Variants in DNAJC3 observed in about 807,000 individuals in gnomAD.
The protein encoded by DNAJC3 is dnaJ homolog subfamily C member 3.
DNAJC3 carries 38 observed loss-of-function variants against 68.6 expected under a neutral mutation model. The ratio of observed to expected loss-of-function variants is 0.55; its 90% CI spans 0.43 to 0.73. DNAJC3 has a LOEUF of 0.73. DNAJC3 is among the 30% of genes least tolerant of loss of function. The pLI, the probability that DNAJC3 is intolerant of heterozygous loss-of-function variation, is 0.00. For missense variants in DNAJC3, 526 were observed against 591.9 expected, an observed-to-expected ratio of 0.89 and a Z score of 1.16; for synonymous variants, 203 against 204.0, an observed-to-expected ratio of 1.00 and a Z score of 0.04.
chr13:95,703,357 C>G (rs550271116), intron 1 of DNAJC3, among the ~76,000 whole-genome samples: 1 of 152,314 alleles, frequency 6.6e-6, no homozygotes, highest in South Asian at 2.1e-4. Context: ...TACTTCAGTA[C>G]TATGCTTGGG....
At chr13:95,752,936 C>A (rs1882525589) in intron 4 of DNAJC3, among the ~76,000 whole-genome samples, 1 of 152,292 alleles carries the variant, frequency 6.6e-6, no homozygotes, top group East Asian at 1.9e-4. Context: ...TAGGGGAGTT[C>A]TAGGTATGCC....
intron 2 of DNAJC3, among the ~76,000 whole-genome samples, chr13:95,710,634 A>T (rs768947152): frequency 6.6e-6 from 1 of 151,908 alleles, no homozygotes; most frequent in African/African-American, 2.4e-5. Flanking sequence ...AATGGTTGAG[A>T]GTGTGTAGTT....
At chr13:95,773,780 A>G (rs1594022089) in intron 9 of DNAJC3, among the ~76,000 whole-genome samples, 1 of 119,638 alleles carries the variant, frequency 8.4e-6, no homozygotes, top group African/African-American at 3.3e-5. Context: ...CTCTGTCGCC[A>G]GGCTGGAGTA....
chr13:95,690,558 G>A (rs1880203369), intron 1 of DNAJC3, among the ~76,000 whole-genome samples: 2 of 150,078 alleles, frequency 1.3e-5, no homozygotes, highest in Non-Finnish European at 1.5e-5. Context: ...CCCAGTAGGG[G>A]CGGCCGGGCA....
Position 95,677,251 on chromosome 13 carries a change from C to T in DNAJC3, c.-5C>T, listed in dbSNP as rs1334644131. On this transcript the variant is annotated 5_prime_UTR_variant, in exon 1 of 12. Transcript: ENST00000602402. ...TTCCTCCTCTTCACTCGCGAGCCCT[C>T]GGACATGGTGGCCCCCGGCTCCGTG... The T allele has an allele frequency of 1.9e-6, 3 of 1,602,324 alleles. No individual in the cohort carries two copies. Among genetic ancestry groups the T allele is most frequent in the Non-Finnish European group, 2.6e-6 (3 of 1,175,500 alleles).
At chr13:95,720,860 CA>C (rs1881299360) in intron 2 of DNAJC3, among the ~76,000 whole-genome samples, 1 of 151,304 alleles carries the variant, frequency 6.6e-6, no homozygotes. Flanking sequence ...TTAAAAAATA[CA>C]TTTTTTTTTT....
intron 4 of DNAJC3, among the ~76,000 whole-genome samples, chr13:95,729,781 C>A (rs1045327492): frequency 5.3e-5 from 8 of 152,024 alleles, no homozygotes; most frequent in Non-Finnish European, 1.2e-4. Context: ...TTTTCATATA[C>A]CTGTTGGCTA....
chr13:95,681,809 C>T (rs1374468332), intron 1 of DNAJC3, among the ~76,000 whole-genome samples: 1 of 152,194 alleles, frequency 6.6e-6, no homozygotes, highest in Non-Finnish European at 1.5e-5. Context: ...CTCCTTTCCT[C>T]TCTCCCCTAC....
At chr13:95,677,417 T>G in intron 1 of DNAJC3, 80 bp downstream of exon 1, 3 of 1,415,354 alleles carry the variant, frequency 2.1e-6, no homozygotes, top group East Asian at 2.8e-5. Context: ...CCCGGGCGCC[T>G]GTCCCGGAGC....
At chr13:95,772,152 AAAAC>A (rs1271772628) in intron 9 of DNAJC3, among the ~76,000 whole-genome samples, 2 of 152,202 alleles carry the variant, frequency 1.3e-5, no homozygotes, top group African/African-American at 4.8e-5. Context: ...TTTATTTTGA[AAAAC>A]AGGTGGTGGG....
chr13:95,766,177 T>C (rs916702469), intron 9 of DNAJC3, among the ~76,000 whole-genome samples: 1 of 152,192 alleles, frequency 6.6e-6, no homozygotes, highest in African/African-American at 2.4e-5. Context: ...AGATAAGCAA[T>C]TTAAAGTGAT....
At chr13:95,749,943 G>A (rs1023653604) in intron 4 of DNAJC3, among the ~76,000 whole-genome samples, 6 of 152,068 alleles carry the variant, frequency 3.9e-5, no homozygotes, top group African/African-American at 7.2e-5. Context: ...CCAGCTACTC[G>A]GGAGGCTGAG....
intron 3 of DNAJC3, among the ~76,000 whole-genome samples, chr13:95,723,872 C>T (rs549942687): frequency 1.3e-5 from 2 of 151,958 alleles, no homozygotes; most frequent in African/African-American, 2.4e-5. Context: ...AGTAGGAAAT[C>T]CTGATGATTG....
At chr13:95,712,750 T>C (rs1425012490) in intron 2 of DNAJC3, among the ~76,000 whole-genome samples, 1 of 152,200 alleles carries the variant, frequency 6.6e-6, no homozygotes, top group Non-Finnish European at 1.5e-5. Context: ...AATTTTTGTG[T>C]TGGTGTTGAT....
At chr13:95,715,883 G>A (rs1353507392) in intron 2 of DNAJC3, among the ~76,000 whole-genome samples, 1 of 151,976 alleles carries the variant, frequency 6.6e-6, no homozygotes, top group East Asian at 2.0e-4. Flanking sequence ...AAGGCTGGGC[G>A]TGGTGGCTCA....
At chr13:95,696,925 T>G (rs536409454) in intron 1 of DNAJC3, among the ~76,000 whole-genome samples, 83 of 152,320 alleles carry the variant, frequency 5.4e-4, no homozygotes, top group African/African-American at 1.9e-3. Flanking sequence ...TTTTGAATTT[T>G]TAGTAGAGAT....
chr13:95,693,442 C>T (rs1335465653), intron 1 of DNAJC3: 1 of 152,160 alleles, frequency 6.6e-6, no homozygotes, highest in East Asian at 1.9e-4. Context: ...CCCCACTTCA[C>T]AACTCTAATT....
At chr13:95,726,394 G>A (rs1304448678) in intron 4 of DNAJC3, among the ~76,000 whole-genome samples, 6 of 152,148 alleles carry the variant, frequency 3.9e-5, no homozygotes, top group Non-Finnish European at 2.9e-5. Flanking sequence ...GTATCTCATT[G>A]TGGTTTTGAT....
intron 11 of DNAJC3, among the ~76,000 whole-genome samples, chr13:95,787,927 T>A (rs1883652781): frequency 1.3e-5 from 2 of 152,202 alleles, no homozygotes; most frequent in Non-Finnish European, 2.9e-5. Context: ...GTTAAGCTTA[T>A]ACTGCTTTTT....
Sources: allele counts gnomAD v4.1 joint callset (sites outside exome capture counted in the v4.1 genomes callset), GRCh38; gene constraint gnomAD v4.1.1; transcripts MANE v1.5; gene names NCBI Gene and HGNC (gene_info 2026-07-23, HGNC 2026-07-21).